The following MSI2 variants were observed in gnomAD, a reference collection of about 807,000 sequenced individuals.
MSI2 encodes the protein musashi RNA binding protein 2.
MSI2 carries 17 observed loss-of-function variants against 45.6 expected under a neutral mutation model. The observed-to-expected ratio is 0.37, with a 90% CI of 0.26 to 0.56. The LOEUF (loss-of-function observed/expected upper bound fraction) is 0.56, where lower values mean the gene tolerates loss of function less well. MSI2 is among the 20% of genes least tolerant of loss of function. The pLI is 0.77. For synonymous variants in MSI2, 156 were observed against 158.2 expected (o/e 0.99, Z 0.11); for missense variants, 293 against 444.2 (o/e 0.66, Z 3.06).
At chr17:57,390,534 T>G (rs557055790) in intron 5 of MSI2, among the ~76,000 whole-genome samples, 42 of 152,296 alleles carry the variant, frequency 2.8e-4, no homozygotes, top group African/African-American at 9.1e-4. Flanking sequence ...AGGTAAAACT[T>G]GCTCATCAGA....
chr17:57,674,087 CCCATCCCTCCCT>C (rs1913032143), intron 11 of MSI2, among the ~76,000 whole-genome samples: 2 of 151,692 alleles, frequency 1.3e-5, no homozygotes, highest in Admixed American at 1.3e-4. Flanking sequence ...ACCATTCCCC[CCCATCCCTCCCT>C]CCATCCCCTT....
chr17:57,304,966 A>C (rs1911760020), intron 5 of MSI2, among the ~76,000 whole-genome samples: 2 of 152,138 alleles, frequency 1.3e-5, no homozygotes, highest in African/African-American at 4.8e-5. Flanking sequence ...TGAGTGCCAG[A>C]TGTTTTGTGG....
At position 57,419,529 on chromosome 17, in the gene MSI2, A is replaced by ATTT. The variant is rs36114353; in HGVS notation, c.405+18072_405+18074dup. Reference sequence around the variant, plus strand: ...AGGTGCTCATCAGCATGCCTGGCTAATTTTTTTTTTTTTTTTGTATTTTTA... The same window carrying ATTT: ...AGGTGCTCATCAGCATGCCTGGCTAATTTTTTTTTTTTTTTTTTTGTATTTTTA... On this transcript the variant is annotated intron_variant, in intron 6 of 13. Transcript: ENST00000284073. Among the ~76,000 whole-genome samples the ATTT allele has an allele frequency of 6.3e-3, 917 of 145,624 alleles. 20 individuals are homozygous for ATTT. In the East Asian group the frequency reaches 0.07, roughly 11 times the overall value.
intron 5 of MSI2, among the ~76,000 whole-genome samples, chr17:57,310,914 T>C (rs1284380008): frequency 1.3e-5 from 2 of 152,222 alleles, no homozygotes; most frequent in African/African-American, 4.8e-5. Context: ...TGGGGACCCT[T>C]GGCATATTGC....
intron 5 of MSI2, among the ~76,000 whole-genome samples, chr17:57,362,580 T>C (rs1242201264): frequency 2.6e-5 from 4 of 152,226 alleles, no homozygotes; most frequent in African/African-American, 7.2e-5. Flanking sequence ...TTTACAGTTC[T>C]GAAGTTTTAG....
At chr17:57,337,328 G>A (rs917846978) in intron 5 of MSI2, among the ~76,000 whole-genome samples, 3 of 152,110 alleles carry the variant, frequency 2.0e-5, no homozygotes, top group African/African-American at 4.8e-5. Context: ...ATCTAGGATT[G>A]ACCCCAGGAA....
chr17:57,302,606 G>A (rs1440286707), intron 5 of MSI2, among the ~76,000 whole-genome samples: 1 of 152,162 alleles, frequency 6.6e-6, no homozygotes, highest in Non-Finnish European at 1.5e-5. Context: ...GTTCTCCCCA[G>A]TGCTGTTTTC....
chr17:57,483,970 G>C (rs2085700944), intron 6 of MSI2, among the ~76,000 whole-genome samples: 2 of 152,242 alleles, frequency 1.3e-5, no homozygotes, highest in Admixed American at 1.3e-4. Context: ...CCCAGGTCTA[G>C]TGGAGAATAA....
intron 9 of MSI2, among the ~76,000 whole-genome samples, chr17:57,624,137 G>A (rs191941743): frequency 6.6e-6 from 1 of 152,348 alleles, no homozygotes; most frequent in Admixed American, 6.5e-5. Flanking sequence ...TGTCACCTAA[G>A]TGCAGGGAGA....
chr17:57,285,064 G>A (rs560367356), intron 5 of MSI2, among the ~76,000 whole-genome samples: 1 of 151,990 alleles, frequency 6.6e-6, no homozygotes, highest in East Asian at 1.9e-4. Flanking sequence ...ATTGGCGTCG[G>A]TTTCTTAGAA....
chr17:57,397,333 T>G (rs1458719686), intron 5 of MSI2, among the ~76,000 whole-genome samples: 1 of 152,160 alleles, frequency 6.6e-6, no homozygotes, highest in Non-Finnish European at 1.5e-5. Context: ...GGTTTAAAGT[T>G]CCAGGGATAC....
rs565287497 is a variant in MSI2, at chr17:57,648,475, G to A, written c.728-3624G>A. On this transcript the variant is annotated intron_variant, in intron 10 of 13. Transcript: ENST00000284073. ...CTAGTAAGCGGCTGAGCCAGGCATCGAACCCAGACAGGCTCCAGGTCTGCG... is the reference window on the plus strand; with the variant it reads ...CTAGTAAGCGGCTGAGCCAGGCATCAAACCCAGACAGGCTCCAGGTCTGCG... Among the ~76,000 whole-genome samples, 9 of 152,274 alleles carry A rather than the reference G, an allele frequency of 5.9e-5. No homozygotes were observed. The East Asian group carries it at 1.7e-3, about 29-fold the overall frequency.
At chr17:57,460,672 A>C (rs2085208532) in intron 6 of MSI2, among the ~76,000 whole-genome samples, 1 of 151,984 alleles carries the variant, frequency 6.6e-6, no homozygotes, top group East Asian at 1.9e-4. Context: ...GAGGCGAGGA[A>C]CCATGGCAGT....
At chr17:57,303,160 C>T (rs1052421048) in intron 5 of MSI2, among the ~76,000 whole-genome samples, 5 of 152,190 alleles carry the variant, frequency 3.3e-5, no homozygotes, top group African/African-American at 1.2e-4. Context: ...TCTGCTGTGG[C>T]TGTAGCTTTG....
chr17:57,285,721 A>G (rs1263464284), intron 5 of MSI2: 14 of 698,172 alleles, frequency 2.0e-5, no homozygotes, highest in East Asian at 3.2e-5. Flanking sequence ...CGTCTCCCCA[A>G]GTAGGTATTC....
chr17:57,549,523 T>C (rs2087255577), intron 7 of MSI2, among the ~76,000 whole-genome samples: 1 of 152,204 alleles, frequency 6.6e-6, no homozygotes, highest in Non-Finnish European at 1.5e-5. Context: ...TCAGCTATAA[T>C]ACCGTTTAGC....
intron 7 of MSI2, among the ~76,000 whole-genome samples, chr17:57,576,387 G>C (rs117110161): frequency 2.6e-3 from 398 of 152,322 alleles, no homozygotes; most frequent in Non-Finnish European, 4.8e-3. Flanking sequence ...TCCAATGAAT[G>C]TTTGTTGTAG....
intron 6 of MSI2, among the ~76,000 whole-genome samples, chr17:57,470,310 C>G (rs2085410177): frequency 6.6e-6 from 1 of 152,138 alleles, no homozygotes; most frequent in Non-Finnish European, 1.5e-5. Flanking sequence ...TGGAGTCTTG[C>G]TCTGCCACCC....
chr17:57,472,225 T>G (rs2085451730), intron 6 of MSI2, among the ~76,000 whole-genome samples: 1 of 152,158 alleles, frequency 6.6e-6, no homozygotes, highest in African/African-American at 2.4e-5. Flanking sequence ...GCTTCTAAAG[T>G]CAACTCACGA....
Sources: allele counts gnomAD v4.1 joint callset (sites outside exome capture counted in the v4.1 genomes callset), GRCh38; gene constraint gnomAD v4.1.1; transcripts MANE v1.5; gene names NCBI Gene and HGNC (gene_info 2026-07-23, HGNC 2026-07-21).